The following LDLRAD3 variants were observed in gnomAD, a reference collection of about 807,000 sequenced individuals.
LDLRAD3 encodes low-density lipoprotein receptor class A domain-containing protein 3.
In LDLRAD3, 20 loss-of-function variants were observed where a neutral mutation model predicts 29.4. The ratio of observed to expected loss-of-function variants is 0.68; its 90% confidence interval spans 0.48 to 0.99. The LOEUF is 0.99. Among genes scored for constraint, LDLRAD3 ranks in the 50% least tolerant of loss-of-function variants. The pLI, the probability that LDLRAD3 is intolerant of heterozygous loss-of-function variation, is 0.00. For synonymous variants in LDLRAD3, 157 were observed against 192.7 expected (o/e 0.81, Z 1.53); for missense variants, 420 against 454.3 (o/e 0.92, Z 0.69).
chr11:35,980,927 C>A lies in LDLRAD3; in HGVS notation c.46+36783C>A, dbSNP rs374497684. ...AACTAGTGGTGGGAACCTTGGAAAT[C>A]CCCCACAGTCTGGGGACCCCAGTTT... is the stretch of plus-strand genomic sequence containing the variant. On this transcript the variant is annotated intron_variant, in intron 1 of 5. Coordinates refer to ENST00000315571, the MANE Select transcript of LDLRAD3 (RefSeq NM_174902.4). Among the ~76,000 whole-genome samples, 23 of 152,226 alleles carry A rather than the reference C, an allele frequency of 1.5e-4. No homozygotes were observed. In the East Asian group the frequency reaches 3.5e-3, roughly 23 times the overall value.
chr11:36,197,912 G>C (rs950145426), intron 4 of LDLRAD3: 1 of 151,922 alleles, frequency 6.6e-6, no homozygotes, highest in South Asian at 2.1e-4. Context: ...TTAACTGGGC[G>C]TGGTGGCACA....
At chr11:36,035,736 T>C (rs550084319) in intron 1 of LDLRAD3, among the ~76,000 whole-genome samples, 40 of 152,280 alleles carry the variant, frequency 2.6e-4, no homozygotes, top group Non-Finnish European at 5.1e-4. Context: ...GTTGGAGACA[T>C]TGGGAGTCCA....
At chr11:36,044,396 G>C (rs949731371) in intron 2 of LDLRAD3, among the ~76,000 whole-genome samples, 1 of 152,180 alleles carries the variant, frequency 6.6e-6, no homozygotes, top group Non-Finnish European at 1.5e-5. Flanking sequence ...CTGGTGCCTG[G>C]TGTGAGTTAA....
At chr11:35,969,808 A>T (rs942123464) in intron 1 of LDLRAD3, among the ~76,000 whole-genome samples, 3 of 152,216 alleles carry the variant, frequency 2.0e-5, no homozygotes, top group African/African-American at 7.2e-5. Context: ...GGGAGGAGGC[A>T]TGTGGGGCCC....
chr11:36,229,263 A>G lies in LDLRAD3; in HGVS notation c.904A>G (p.Ser302Gly). Residue 302 changes from serine (S) to glycine (G), a missense_variant, in exon 6 of 6, where the codon AGT (serine) becomes GGT (glycine). By Grantham distance (56) the Ser-to-Gly change is moderately conservative (BLOSUM62 0). Around this residue, in one of 3 missense-constraint regions of LDLRAD3, gnomAD observed 140 missense variants for 139.9 expected, o/e 1.00. Transcript: ENST00000315571. ...PYRSRSGSAN[S>G]ASSQAASSLL... is the part of the protein sequence containing the mutation. Reference sequence around the variant, plus strand: ...CCGCTCCCGGTCCGGGAGTGCCAACAGTGCCAGCTCCCAGGCAGCCAGCAG... The same window carrying G: ...CCGCTCCCGGTCCGGGAGTGCCAACGGTGCCAGCTCCCAGGCAGCCAGCAG... 1 of 1,614,074 alleles carries G rather than the reference A, an allele frequency of 6.2e-7. No individual in the cohort carries two copies. The highest frequency in any genetic ancestry group is 8.5e-7 in the Non-Finnish European group (1 of 1,180,000).
chr11:36,089,431 A>ATT (rs34553102), intron 3 of LDLRAD3, among the ~76,000 whole-genome samples: 4 of 146,274 alleles, frequency 2.7e-5, no homozygotes, highest in Non-Finnish European at 4.5e-5. Flanking sequence ...TTCCCAATAC[A>ATT]TTTTTTTTTT....
chr11:36,142,918 G>A (rs1854107544), intron 4 of LDLRAD3, among the ~76,000 whole-genome samples: 1 of 152,202 alleles, frequency 6.6e-6, no homozygotes, highest in Non-Finnish European at 1.5e-5. Flanking sequence ...CAGGCTCATG[G>A]AACCCAGGGG....
At chr11:36,212,700 A>C (rs1855299267) in intron 4 of LDLRAD3, among the ~76,000 whole-genome samples, 1 of 152,146 alleles carries the variant, frequency 6.6e-6, no homozygotes, top group Non-Finnish European at 1.5e-5. Flanking sequence ...CTTCCTCATC[A>C]GACACAGAGA....
chr11:35,973,676 G>T (rs1851443314), intron 1 of LDLRAD3, among the ~76,000 whole-genome samples: 1 of 151,808 alleles, frequency 6.6e-6, no homozygotes, highest in South Asian at 2.1e-4. Context: ...TCGCCATGTT[G>T]CCCAGGCTGG....
intron 4 of LDLRAD3, among the ~76,000 whole-genome samples, chr11:36,162,880 A>G (rs1248646472): frequency 6.6e-6 from 1 of 152,178 alleles, no homozygotes; most frequent in Non-Finnish European, 1.5e-5. Context: ...GAATATTTCA[A>G]ATGCAAAGGG....
chr11:36,105,009 G>C (rs1030838872), intron 4 of LDLRAD3, among the ~76,000 whole-genome samples: 3 of 152,156 alleles, frequency 2.0e-5, no homozygotes, highest in African/African-American at 7.2e-5. Context: ...CTCCTCCTGA[G>C]GAATGTCTGG....
intron 4 of LDLRAD3, among the ~76,000 whole-genome samples, chr11:36,171,569 ATGT>A (rs768353366): frequency 2.0e-4 from 30 of 151,616 alleles, no homozygotes; most frequent in Middle Eastern, 3.4e-3. Context: ...TCCCCACTTT[ATGT>A]TGTTGTTTGC....
intron 4 of LDLRAD3, among the ~76,000 whole-genome samples, chr11:36,198,438 T>C (rs927115743): frequency 6.6e-6 from 1 of 152,176 alleles, no homozygotes; most frequent in Non-Finnish European, 1.5e-5. Context: ...AAAGATATAC[T>C]GTCCACTAAT....
chr11:36,134,381 C>A (rs990191144), intron 4 of LDLRAD3, among the ~76,000 whole-genome samples: 1 of 152,134 alleles, frequency 6.6e-6, no homozygotes, highest in Admixed American at 6.5e-5. Context: ...CTGTAAAAAT[C>A]GAGTTTTCCT....
At chr11:35,950,204 G>A (rs1205671048) in intron 1 of LDLRAD3, among the ~76,000 whole-genome samples, 1 of 151,738 alleles carries the variant, frequency 6.6e-6, no homozygotes, top group African/African-American at 2.4e-5. Flanking sequence ...TTTCTAGACA[G>A]GAGTTGTACT....
chr11:36,031,396 T>G (rs1202252176), intron 1 of LDLRAD3, among the ~76,000 whole-genome samples: 1 of 152,152 alleles, frequency 6.6e-6, no homozygotes, highest in African/African-American at 2.4e-5. Context: ...TGTCCCTTAT[T>G]TTAACTATGT....
chr11:36,018,325 G>A (rs1469660414), intron 1 of LDLRAD3, among the ~76,000 whole-genome samples: 2 of 152,120 alleles, frequency 1.3e-5, no homozygotes, highest in Non-Finnish European at 2.9e-5. Flanking sequence ...TTTTCAAACT[G>A]ATGTCTTATC....
intron 3 of LDLRAD3, among the ~76,000 whole-genome samples, chr11:36,087,554 A>G (rs1334793079): frequency 6.6e-6 from 1 of 152,204 alleles, no homozygotes; most frequent in Non-Finnish European, 1.5e-5. Context: ...AGAAATAAAT[A>G]AAAGTTAAAG....
At chr11:36,056,559 G>A (rs752779753) in intron 2 of LDLRAD3, among the ~76,000 whole-genome samples, 9 of 152,184 alleles carry the variant, frequency 5.9e-5, no homozygotes, top group Non-Finnish European at 1.0e-4. Flanking sequence ...TGCACACCAC[G>A]GCAGGTCTGT....
Sources: allele counts gnomAD v4.1 joint callset (sites outside exome capture counted in the v4.1 genomes callset), GRCh38; gene constraint gnomAD v4.1.1; regional missense constraint gnomAD v4.1.1; transcripts MANE v1.5; gene names NCBI Gene and HGNC (gene_info 2026-07-23, HGNC 2026-07-21).